The following NEXMIF variants were observed in gnomAD, a reference collection of about 807,000 sequenced individuals.
NEXMIF encodes the protein neurite extension and migration factor.
A neutral mutation model predicts 62.1 loss-of-function variants in NEXMIF; 8 were observed. The observed-to-expected ratio is 0.13, with a 90% CI of 0.08 to 0.23. The LOEUF (loss-of-function observed/expected upper bound fraction) is 0.23, where lower values mean the gene tolerates loss of function less well. Ranked by LOEUF, NEXMIF falls within the 10% of genes least tolerant of loss-of-function variation. NEXMIF has a pLI of 1.00. For missense variants in NEXMIF, 976 were observed against 1,113.3 expected, an observed-to-expected ratio of 0.88 and a Z score of 1.75; for synonymous variants, 404 against 416.6, an observed-to-expected ratio of 0.97 and a Z score of 0.37.
intron 1 of NEXMIF, among the ~76,000 whole-genome samples, chrX:74,750,388 A>G (rs1394325577): frequency 1.8e-5 from 2 of 111,912 alleles, no homozygotes; most frequent in East Asian, 5.7e-4. Flanking sequence ...GGAATAAAGC[A>G]AGGCCAGTAT....
chrX:74,817,415 C>T (rs2080379596), intron 1 of NEXMIF, among the ~76,000 whole-genome samples: 1 of 111,566 alleles, frequency 9.0e-6, no homozygotes, highest in Non-Finnish European at 1.9e-5. Flanking sequence ...CTTTCCAAAC[C>T]ATCATTTATG....
At chrX:74,804,203 A>T (rs1415755025) in intron 1 of NEXMIF, among the ~76,000 whole-genome samples, 1 of 112,635 alleles carries the variant, frequency 8.9e-6, no homozygotes, top group Non-Finnish European at 1.9e-5. Flanking sequence ...CTTTTTGCTC[A>T]TTTGTTTGTT....
intron 1 of NEXMIF, among the ~76,000 whole-genome samples, chrX:74,815,827 G>T (rs1401925425): frequency 9.1e-6 from 1 of 109,369 alleles, no homozygotes; most frequent in Non-Finnish European, 1.9e-5. Flanking sequence ...GTAGAGATGG[G>T]GTTTCATCGT....
intron 1 of NEXMIF, among the ~76,000 whole-genome samples, chrX:74,838,852 T>C (rs1358977093): frequency 5.4e-5 from 6 of 111,768 alleles, no homozygotes; most frequent in African/African-American, 1.9e-4. Flanking sequence ...ATGAGAAAAA[T>C]ATATAATGAA....
intron 1 of NEXMIF, among the ~76,000 whole-genome samples, chrX:74,830,425 C>A (rs2080432293): frequency 9.0e-6 from 1 of 111,391 alleles, no homozygotes. Context: ...GTTTTCATGC[C>A]AGTACCTTGC....
intron 1 of NEXMIF, among the ~76,000 whole-genome samples, chrX:74,872,673 C>A (rs2080607100): frequency 1.8e-5 from 2 of 109,435 alleles, no homozygotes; most frequent in African/African-American, 3.3e-5. Context: ...ATAACTAAAA[C>A]AGTATAATTA....
At chrX:74,776,174 T>C (rs1008074073) in intron 1 of NEXMIF, among the ~76,000 whole-genome samples, 1 of 111,371 alleles carries the variant, frequency 9.0e-6, no homozygotes, top group African/African-American at 3.3e-5. Flanking sequence ...CATTTCTCCA[T>C]GTACCTTAAG....
At chrX:74,828,238 C>T (rs950886034) in intron 1 of NEXMIF, among the ~76,000 whole-genome samples, 1 of 111,422 alleles carries the variant, frequency 9.0e-6, no homozygotes, top group East Asian at 2.8e-4. Context: ...AGCGAATAAT[C>T]TCCAAGGGGA....
chrX:74,919,595 TA>T (rs1295919684), intron 1 of NEXMIF, among the ~76,000 whole-genome samples: 1 of 111,499 alleles, frequency 9.0e-6, no homozygotes, highest in Non-Finnish European at 1.9e-5. Context: ...TAACTTCCCC[TA>T]AATAAAATGA....
At chrX:74,878,992 T>A (rs2080651464) in intron 1 of NEXMIF, among the ~76,000 whole-genome samples, 1 of 112,553 alleles carries the variant, frequency 8.9e-6, no homozygotes, top group Admixed American at 9.4e-5. Context: ...GCTGTTCCTA[T>A]TCGGCCATCT....
chrX:74,890,300 A>G (rs977257156), intron 1 of NEXMIF, among the ~76,000 whole-genome samples: 3 of 111,046 alleles, frequency 2.7e-5, no homozygotes, highest in Non-Finnish European at 3.8e-5. Flanking sequence ...CTGAATACCT[A>G]TATACCTTTA....
Position 74,815,746 on chromosome X carries a change from T to C in NEXMIF, c.-47-70049A>G, listed in dbSNP as rs12689212. ...GCCTCCCGGGTTCATGCCATTCTCC[T>C]GCCTCAGCCTCCTGAGTAGCTGGGA... On this transcript the variant is annotated intron_variant, in intron 1 of 3. Transcript: ENST00000055682. Among the ~76,000 whole-genome samples, 7 of 108,642 alleles carry C rather than the reference T, an allele frequency of 6.4e-5. No individual in the cohort carries two copies. In the East Asian group the frequency reaches 2.0e-3, roughly 31 times the overall value. The allele number at this position is 108,642 out of a possible 115,157, so 94.3% of individuals were successfully genotyped here.
chrX:74,786,858 C>T (rs149020341), intron 1 of NEXMIF, among the ~76,000 whole-genome samples: 7 of 108,006 alleles, frequency 6.5e-5, no homozygotes, highest in Non-Finnish European at 1.3e-4. Context: ...TGTGCATGTG[C>T]GTGTGTGCAC....
At chrX:74,817,566 A>G (rs2080380086) in intron 1 of NEXMIF, among the ~76,000 whole-genome samples, 1 of 112,135 alleles carries the variant, frequency 8.9e-6, no homozygotes, top group Admixed American at 9.5e-5. Context: ...TGCCTCCTGA[A>G]AATAGATTTC....
At chrX:74,817,045 T>A (rs2080378280) in intron 1 of NEXMIF, among the ~76,000 whole-genome samples, 1 of 112,173 alleles carries the variant, frequency 8.9e-6, no homozygotes, top group Non-Finnish European at 1.9e-5. Flanking sequence ...TGTCTTCGTT[T>A]GCACTATTAG....
At chrX:74,898,596 C>T (rs775987235) in intron 1 of NEXMIF, among the ~76,000 whole-genome samples, 1 of 111,478 alleles carries the variant, frequency 9.0e-6, no homozygotes, top group Non-Finnish European at 1.9e-5. Flanking sequence ...GACAAACGTA[C>T]CACACTCTTG....
chrX:74,783,598 A>G (rs1020802917), intron 1 of NEXMIF, among the ~76,000 whole-genome samples: 2 of 111,688 alleles, frequency 1.8e-5, no homozygotes, highest in African/African-American at 6.5e-5. Context: ...CATGGCTCCA[A>G]CGTAAAGGGT....
At chrX:74,908,272 G>T (rs1229118178) in intron 1 of NEXMIF, among the ~76,000 whole-genome samples, 1 of 112,138 alleles carries the variant, frequency 8.9e-6, no homozygotes, top group African/African-American at 3.2e-5. Context: ...CTCTTGTCTA[G>T]TATATGGCCT....
At chrX:74,751,693 TCTTC>T (rs1277520981) in intron 1 of NEXMIF, among the ~76,000 whole-genome samples, 16 of 73,934 alleles carry the variant, frequency 2.2e-4, no homozygotes, top group South Asian at 1.2e-3. Flanking sequence ...CTCCCTCTTT[TCTTC>T]CTTCCTTCCT....
Sources: allele counts gnomAD v4.1 joint callset (sites outside exome capture counted in the v4.1 genomes callset), GRCh38; gene constraint gnomAD v4.1.1; transcripts MANE v1.5; gene names NCBI Gene and HGNC (gene_info 2026-07-23, HGNC 2026-07-21).